ABCA10: variants seen among roughly 807,000 people sequenced by gnomAD.
ABCA10 encodes ATP binding cassette subfamily A member 10, also known as ATP-binding cassette sub-family A member 10.
In ABCA10, 169 loss-of-function variants were observed where a neutral mutation model predicts 187.5. The ratio of observed to expected loss-of-function variants is 0.90; its 90% CI spans 0.80 to 1.02. The LOEUF is 1.02. Among genes scored for constraint, ABCA10 ranks in the 50% least tolerant of loss-of-function variants. ABCA10 has a pLI of 0.00. For missense variants in ABCA10, 1,727 were observed against 1,812.4 expected, an observed-to-expected ratio of 0.95 and a Z score of 0.86; for synonymous variants, 574 against 601.8, an observed-to-expected ratio of 0.95 and a Z score of 0.68.
intron 12 of ABCA10, 87 bp from the exon 13 acceptor site, chr17:69,194,076 A>T: frequency 7.7e-7 from 1 of 1,298,254 alleles, no homozygotes; most frequent in Non-Finnish European, 1.0e-6. Context: ...GATTTTGTTC[A>T]AAAAACTTGT....
chr17:69,193,236 C>G lies in ABCA10; in HGVS notation c.1654G>C (p.Asp552His). Residue 552 changes from aspartate (D) to histidine (H), a missense_variant, in exon 15 of 39, where the codon GAT (aspartate) becomes CAT (histidine). Transcript: ENST00000690296. Reference protein sequence around the residue: ...ILGDPQVLLLDEPTAGLDPFS... With the variant: ...ILGDPQVLLLHEPTAGLDPFS... ...GGATCCAATCCAGCAGTTGGTTCAT[C>G]TAGCAGCAAAACCTACAGAGGAGGA... 6.2e-7 allele frequency: 1 copy of G among 1,613,234 alleles called. No homozygotes were observed. The highest frequency in any genetic ancestry group is 2.2e-5 in the East Asian group (1 of 44,872).
chr17:69,234,854 C>T (rs2074856247), intron 1 of ABCA10: 1 of 152,182 alleles, frequency 6.6e-6, no homozygotes, highest in African/African-American at 2.4e-5. Flanking sequence ...TCTTATACGT[C>T]AAGTCTCTTC....
In ABCA10 at chr17:69,148,699, G is replaced by A. The variant is rs1360805615; in HGVS notation, c.*128C>T. On this transcript the variant is annotated 3_prime_UTR_variant, in exon 39 of 39. Coordinates refer to ENST00000690296, the MANE Select transcript of ABCA10 (RefSeq NM_001377321.1). ...TCCTAAATTTTTAAAAATGAAAACT[G>A]TAATCATTATTGAATGTTTATTAAA... 1.1e-5 allele frequency: 9 copies of A among 803,000 alleles called. No homozygotes were observed. In the South Asian group the frequency reaches 1.7e-4, roughly 15 times the overall value. 49.7% of individuals were successfully genotyped at this position (803,000 alleles called of 1,614,324 possible). A position where few individuals can be genotyped will look rare whatever the true frequency, so the allele number is the denominator to read the frequency against.
At chr17:69,181,593 A>G (rs2074381313) in intron 22 of ABCA10, among the ~76,000 whole-genome samples, 1 of 152,106 alleles carries the variant, frequency 6.6e-6, no homozygotes, top group African/African-American at 2.4e-5. Flanking sequence ...AGGAAGTGAT[A>G]GGTTACATCT....
At chr17:69,170,677 G>A (rs1310233831) in intron 25 of ABCA10, among the ~76,000 whole-genome samples, 1 of 151,946 alleles carries the variant, frequency 6.6e-6, no homozygotes, top group Non-Finnish European at 1.5e-5. Flanking sequence ...TACCCTAAAG[G>A]GTCTTACCCA....
intron 1 of ABCA10, among the ~76,000 whole-genome samples, chr17:69,237,251 C>G (rs2074877729): frequency 6.6e-6 from 1 of 152,188 alleles, no homozygotes; most frequent in Non-Finnish European, 1.5e-5. Flanking sequence ...TAGGGCAGAG[C>G]AAAATGTATA....
intron 27 of ABCA10, among the ~76,000 whole-genome samples, chr17:69,162,997 C>G (rs919108245): frequency 5.9e-5 from 9 of 151,936 alleles, no homozygotes; most frequent in Non-Finnish European, 1.3e-4. Flanking sequence ...GCCAGCACGC[C>G]CAGCTAATTT....
intron 9 of ABCA10, among the ~76,000 whole-genome samples, chr17:69,206,778 A>G (rs899454821): frequency 6.6e-6 from 1 of 152,202 alleles, no homozygotes; most frequent in Non-Finnish European, 1.5e-5. Flanking sequence ...AAAATGGAGT[A>G]AAGACTTAAA....
intron 27 of ABCA10, among the ~76,000 whole-genome samples, chr17:69,163,146 AT>A (rs1321540083): frequency 4.0e-5 from 6 of 151,896 alleles, no homozygotes; most frequent in Non-Finnish European, 2.9e-5. Flanking sequence ...CAAAATTTAT[AT>A]TTTTTTATTT....
Position 69,215,952 on chromosome 17 carries a change from C to G in ABCA10, c.721G>C (p.Ala241Pro), listed in dbSNP as rs769746647. 1.9e-6 allele frequency: 3 copies of G among 1,613,692 alleles called. No homozygotes were observed. Among genetic ancestry groups the G allele is most frequent in the Non-Finnish European group, 2.5e-6 (3 of 1,179,918 alleles). The change falls in exon 8 of 39, where the codon GCT (alanine) becomes CCT (proline). Residue 241 changes from alanine (A) to proline (P), a missense_variant. Coordinates refer to ENST00000690296, the MANE Select transcript of ABCA10 (RefSeq NM_001377321.1). ...GTGAAGAGAAATCCAGCCAAACCAG[C>G]GAGCATAGGTTTCCTTATTAAAACA... ...MSVLIRKPML[A>P]GLAGFLFTVF... is the part of the protein sequence containing the mutation.
chr17:69,229,115 G>A (rs560569145), upstream of ABCA10, among the ~76,000 whole-genome samples: 1 of 151,998 alleles, frequency 6.6e-6, no homozygotes, highest in African/African-American at 2.4e-5. Context: ...CAGTTAAATG[G>A]TTCCTTGTAT....
At chr17:69,239,758 T>C (rs1274448244) in intron 1 of ABCA10, among the ~76,000 whole-genome samples, 1 of 152,182 alleles carries the variant, frequency 6.6e-6, no homozygotes, top group Non-Finnish European at 1.5e-5. Flanking sequence ...AGTGTTATCA[T>C]GGTATCACTT....
intron 13 of ABCA10, 79 bp downstream of exon 13, chr17:69,193,735 G>C (rs2074478791): frequency 3.2e-6 from 5 of 1,562,870 alleles, no homozygotes; most frequent in South Asian, 1.2e-5. Context: ...TCAAAGAGTA[G>C]AGTAATAGCT....
At chr17:69,179,523 A>G (rs965106392) in intron 22 of ABCA10, among the ~76,000 whole-genome samples, 4 of 152,168 alleles carry the variant, frequency 2.6e-5, no homozygotes, top group African/African-American at 9.7e-5. Context: ...CTCAAGAGTA[A>G]CTTCTTTCCT....
At position 69,242,647 on chromosome 17, in the gene ABCA10, A is replaced by G. The variant is rs550604799; in HGVS notation, c.-593+1882T>C. ...ACCCAGCTAATTTTATATTTTTAGTAGAGACAGGGTTTCACCATGTTGGCC... is the reference window on the plus strand; with the variant it reads ...ACCCAGCTAATTTTATATTTTTAGTGGAGACAGGGTTTCACCATGTTGGCC... On this transcript the variant is annotated intron_variant, in intron 1 of 39. Transcript: ENST00000269081. Among the ~76,000 whole-genome samples, 6 of 152,180 alleles carry G rather than the reference A, an allele frequency of 3.9e-5. No individual in the cohort carries two copies. The East Asian group carries it at 1.2e-3, about 29-fold the overall frequency.
intron 1 of ABCA10, among the ~76,000 whole-genome samples, chr17:69,236,576 T>G (rs1283028271): frequency 6.6e-6 from 1 of 152,232 alleles, no homozygotes; most frequent in Non-Finnish European, 1.5e-5. Flanking sequence ...CTTTCAGCAC[T>G]GAGTATGAAA....
At chr17:69,241,883 C>T (rs550641814) in intron 1 of ABCA10, among the ~76,000 whole-genome samples, 95 of 152,208 alleles carry the variant, frequency 6.2e-4, no homozygotes, top group African/African-American at 2.3e-3. Context: ...TTTGTGAATA[C>T]TGAATAATAA....
chr17:69,193,354 C>T lies in ABCA10; in HGVS notation c.1642-106G>A, dbSNP rs9907954. ...TTCTAGACTCAAATACAGTCCTCCA[C>T]CAGATCCCTAACAAGCTTGCATGGT... On this transcript the variant is annotated intron_variant, in intron 14 of 38. Coordinates refer to ENST00000690296, the MANE Select transcript of ABCA10 (RefSeq NM_001377321.1). 27,520 of 1,520,702 alleles carry T rather than the reference C, an allele frequency of 0.018. 4,184 individuals are homozygous for T. In the African/African-American group the frequency reaches 0.33, roughly 18 times the overall value. 94.2% of individuals were successfully genotyped at this position (1,520,702 alleles called of 1,614,324 possible).
At chr17:69,225,161 C>T (rs16973838) in intron 3 of ABCA10, among the ~76,000 whole-genome samples, 164 bp downstream of exon 3, 4,051 of 152,132 alleles carry the variant, frequency 0.027, 182 homozygotes, top group African/African-American at 0.094. Flanking sequence ...CTGTTGCCCA[C>T]CTACCCTTAG....
Sources: gnomAD v4.1 joint callset for allele counts (sites outside exome capture counted in the v4.1 genomes callset) on GRCh38, gnomAD v4.1.1 for gene constraint, MANE v1.5 for transcripts, NCBI Gene and HGNC (gene_info 2026-07-23, HGNC 2026-07-21) for gene names.